Variants in FRYL observed in about 807,000 individuals in gnomAD.
FRYL encodes FRY like transcription coactivator.
Under a neutral mutation model 351.2 loss-of-function variants are expected in FRYL, and 150 were observed. The observed-to-expected ratio is 0.43, with a 90% CI of 0.37 to 0.49. The LOEUF is 0.49. FRYL is among the 20% of genes least tolerant of loss of function. FRYL has a pLI of 0.00. For missense variants in FRYL, 3,036 were observed against 3,619.3 expected, an observed-to-expected ratio of 0.84 and a Z score of 4.13; for synonymous variants, 1,153 against 1,257.1, an observed-to-expected ratio of 0.92 and a Z score of 1.75.
At chr4:48,535,277 A>G (rs1728617401) in intron 48 of FRYL, among the ~76,000 whole-genome samples, 1 of 121,774 alleles carries the variant, frequency 8.2e-6, no homozygotes, top group Non-Finnish European at 1.9e-5. Flanking sequence ...ATTCTCTAGG[A>G]TCAGGACCAC....
intron 1 of FRYL, among the ~76,000 whole-genome samples, chr4:48,738,665 C>A (rs1436716996): frequency 7.5e-6 from 1 of 132,838 alleles, no homozygotes; most frequent in Non-Finnish European, 1.6e-5. Context: ...ACATGGCTAA[C>A]TTTTTTTTTT....
chr4:48,591,951 T>A (rs1379101202), intron 16 of FRYL, among the ~76,000 whole-genome samples: 1 of 151,588 alleles, frequency 6.6e-6, no homozygotes, highest in Non-Finnish European at 1.5e-5. Context: ...TGCTCCTCTA[T>A]CTGCACCACT....
intron 1 of FRYL, among the ~76,000 whole-genome samples, chr4:48,735,740 A>G (rs1771277870): frequency 1.7e-5 from 1 of 57,792 alleles, no homozygotes; most frequent in Non-Finnish European, 3.4e-5. Flanking sequence ...CAAACACCGC[A>G]TATTCTCACT....
chr4:48,540,477 T>C lies in FRYL; in HGVS notation c.6171A>G (p.Pro2057=), dbSNP rs771519974. 5 of 1,613,984 alleles carry C rather than the reference T, an allele frequency of 3.1e-6. No homozygotes were observed. In the Middle Eastern group the frequency reaches 4.9e-4, roughly 159 times the overall value. The change falls in exon 46 of 64, where the codon CCA becomes CCG. Residue 2057 remains proline, a synonymous_variant. Transcript: ENST00000358350. ...CCTTAAGGAAGAGCTGCTGAAGTCC[T>C]GGAAAATTAGTCCATTTCAATTTGC... The part of the protein sequence containing the change: ...VQSKLKWTNF[P]GLQQLFLKGF...
chr4:48,693,445 A>G (rs1287927956), intron 2 of FRYL, among the ~76,000 whole-genome samples: 2 of 152,124 alleles, frequency 1.3e-5, no homozygotes, highest in Non-Finnish European at 2.9e-5. Context: ...TAAATGTTTG[A>G]GCTGAGGAAT....
At chr4:48,534,826 T>C in intron 48 of FRYL, 141 bp from the exon 49 acceptor site, 1 of 554,478 alleles carries the variant, frequency 1.8e-6, no homozygotes, top group Non-Finnish European at 3.1e-6. Flanking sequence ...TAGAGACTAA[T>C]AAAGTGAAAG....
chr4:48,547,306 C>T (rs1438321485), intron 41 of FRYL, among the ~76,000 whole-genome samples: 1 of 152,142 alleles, frequency 6.6e-6, no homozygotes, highest in Non-Finnish European at 1.5e-5. Flanking sequence ...TTTCGTAATT[C>T]GTCCTCAATA....
At chr4:48,680,901 G>C (rs1447681355) in intron 3 of FRYL, 6 of 903,012 alleles carry the variant, frequency 6.6e-6, no homozygotes, top group Non-Finnish European at 8.4e-6. Context: ...CTTTTTTAAA[G>C]GATGCAAAGA....
At chr4:48,656,109 C>T (rs1278168276) in intron 3 of FRYL, among the ~76,000 whole-genome samples, 2 of 103,228 alleles carry the variant, frequency 1.9e-5, no homozygotes, top group South Asian at 2.9e-4. Context: ...ATATTGTATA[C>T]ATATATACAT....
At chr4:48,724,232 G>A (rs945803189) in intron 1 of FRYL, among the ~76,000 whole-genome samples, 1 of 152,090 alleles carries the variant, frequency 6.6e-6, no homozygotes, top group African/African-American at 2.4e-5. Flanking sequence ...ATAAAAGACA[G>A]GGGAAAAAGT....
chr4:48,696,532 T>TG (rs1051074109), intron 2 of FRYL, among the ~76,000 whole-genome samples: 3 of 151,438 alleles, frequency 2.0e-5, no homozygotes, highest in Non-Finnish European at 2.9e-5. Context: ...AGTCAGCAGG[T>TG]GGGGGGCAAG....
intron 2 of FRYL, among the ~76,000 whole-genome samples, chr4:48,700,523 C>G (rs866301036): frequency 6.6e-5 from 10 of 152,270 alleles, no homozygotes; most frequent in Middle Eastern, 3.4e-3. Flanking sequence ...TAACTTTCAG[C>G]TAGACACAGT....
At chr4:48,644,294 A>G (rs1240602988) in intron 3 of FRYL, among the ~76,000 whole-genome samples, 1 of 152,148 alleles carries the variant, frequency 6.6e-6, no homozygotes, top group Non-Finnish European at 1.5e-5. Context: ...ATAGATCTAT[A>G]TTACAGTATA....
intron 4 of FRYL, among the ~76,000 whole-genome samples, chr4:48,626,406 A>G (rs1048378393): frequency 2.6e-5 from 4 of 152,128 alleles, no homozygotes; most frequent in African/African-American, 7.2e-5. Flanking sequence ...GTTCTGTTAA[A>G]CAAAATTAAC....
chr4:48,723,122 A>T lies in FRYL; in HGVS notation c.-383-12424T>A, dbSNP rs567707446. On this transcript the variant is annotated intron_variant, in intron 1 of 63. Transcript: ENST00000358350. ...TTTTGTTTTGTCTAAAGGACCTCAA[A>T]CCTAACAGGTTTTTTTTTGTTTGTT... Among the ~76,000 whole-genome samples the T allele has an allele frequency of 3.3e-5, 5 of 151,812 alleles. No individual in the cohort carries two copies. In the East Asian group the frequency reaches 7.7e-4, roughly 23 times the overall value.
chr4:48,727,771 C>T (rs143196870), intron 1 of FRYL, among the ~76,000 whole-genome samples: 20 of 152,316 alleles, frequency 1.3e-4, no homozygotes, highest in South Asian at 4.1e-4. Context: ...CCCTAACTAA[C>T]TTGGGGGTAG....
intron 2 of FRYL, among the ~76,000 whole-genome samples, chr4:48,696,913 C>T (rs1181466879): frequency 6.6e-6 from 1 of 151,422 alleles, no homozygotes; most frequent in Non-Finnish European, 1.5e-5. Context: ...ACAAGTCAAC[C>T]ATGATCAACA....
intron 3 of FRYL, among the ~76,000 whole-genome samples, chr4:48,647,245 C>T (rs937889): frequency 0.41 from 62,745 of 151,992 alleles, 14,269 homozygotes; most frequent in Admixed American, 0.56. Context: ...ATGTCCCAAA[C>T]TCCCCATCTT....
chr4:48,634,591 C>A (rs1181839754), intron 3 of FRYL, 101 bp from the exon 4 acceptor site: 8 of 740,776 alleles, frequency 1.1e-5, no homozygotes, highest in Non-Finnish European at 1.7e-5. Flanking sequence ...TAACCCTCAA[C>A]CAGTTCTCCC....
Sources: allele counts gnomAD v4.1 joint callset (sites outside exome capture counted in the v4.1 genomes callset), GRCh38; gene constraint gnomAD v4.1.1; transcripts MANE v1.5; gene names NCBI Gene and HGNC (gene_info 2026-07-23, HGNC 2026-07-21).